PTPRT: variants seen among roughly 807,000 people sequenced by gnomAD.
PTPRT encodes receptor-type tyrosine-protein phosphatase T.
A neutral mutation model predicts 176.8 loss-of-function variants in PTPRT; 56 were observed. The ratio of observed to expected loss-of-function variants is 0.32; its 90% CI spans 0.26 to 0.40. The LOEUF is 0.40. Among genes scored for constraint, PTPRT ranks in the 10% least tolerant of loss-of-function variants. The pLI, the probability that PTPRT is intolerant of heterozygous loss-of-function variation, is 1.00. For missense variants in PTPRT, 1,540 were observed against 1,908.2 expected (o/e 0.81, Z 3.60); for synonymous variants, 783 against 739.0 (o/e 1.06, Z -0.96).
chr20:42,855,967 G>A (rs187429354), intron 2 of PTPRT, among the ~76,000 whole-genome samples: 2 of 152,166 alleles, frequency 1.3e-5, no homozygotes, highest in Admixed American at 1.3e-4. Flanking sequence ...GGACTCAAAT[G>A]GGCAAAGACA....
intron 1 of PTPRT, among the ~76,000 whole-genome samples, chr20:42,999,659 C>A (rs559425284): frequency 6.7e-6 from 1 of 149,624 alleles, no homozygotes; most frequent in Non-Finnish European, 1.5e-5. Context: ...TTGTTTTAAT[C>A]AGCTGGGCAT....
chr20:42,605,839 G>C (rs944733618), intron 7 of PTPRT, among the ~76,000 whole-genome samples: 2 of 152,142 alleles, frequency 1.3e-5, no homozygotes, highest in Admixed American at 1.3e-4. Context: ...GAATTACCTG[G>C]AGAATGTGTC....
chr20:42,544,297 C>G (rs570402372), intron 7 of PTPRT, among the ~76,000 whole-genome samples: 21 of 152,186 alleles, frequency 1.4e-4, no homozygotes, highest in Non-Finnish European at 2.5e-4. Flanking sequence ...TCTGCATAAG[C>G]ATTGGCTGCT....
chr20:43,167,089 T>C (rs76635172), intron 1 of PTPRT, among the ~76,000 whole-genome samples: 7,108 of 152,206 alleles, frequency 0.047, 206 homozygotes, highest in Non-Finnish European at 0.067. Flanking sequence ...GGGAGTGCCG[T>C]CATGTTAGTC....
At chr20:42,311,531 A>G (rs150429527) in intron 12 of PTPRT, among the ~76,000 whole-genome samples, 52 of 152,304 alleles carry the variant, frequency 3.4e-4, no homozygotes, top group Non-Finnish European at 5.6e-4. Flanking sequence ...ATCCTGCAAC[A>G]AATGCCCATT....
intron 2 of PTPRT, among the ~76,000 whole-genome samples, chr20:42,861,988 C>T (rs2078669946): frequency 6.6e-6 from 1 of 152,154 alleles, no homozygotes; most frequent in African/African-American, 2.4e-5. Flanking sequence ...ATGCAGGCCA[C>T]ATTTATACTT....
At chr20:42,668,226 C>T (rs938414793) in intron 7 of PTPRT, among the ~76,000 whole-genome samples, 9 of 152,144 alleles carry the variant, frequency 5.9e-5, no homozygotes, top group African/African-American at 1.4e-4. Flanking sequence ...TTCTAGGAGG[C>T]CCTGGCTCCC....
chr20:42,603,584 T>C (rs1478572819), intron 7 of PTPRT, among the ~76,000 whole-genome samples: 5 of 152,182 alleles, frequency 3.3e-5, no homozygotes, highest in Admixed American at 2.6e-4. Flanking sequence ...GATTTCATTG[T>C]AAGTGCAATA....
intron 7 of PTPRT, among the ~76,000 whole-genome samples, chr20:42,565,219 T>C (rs939199607): frequency 6.6e-6 from 1 of 152,054 alleles, no homozygotes; most frequent in South Asian, 2.1e-4. Context: ...CCTGGAACTT[T>C]CTCCATGCCT....
intron 1 of PTPRT, among the ~76,000 whole-genome samples, chr20:43,093,911 C>G (rs142242268): frequency 2.0e-5 from 3 of 152,036 alleles, no homozygotes; most frequent in African/African-American, 4.8e-5. Context: ...TTCCCACAAG[C>G]CTTCTTCCTT....
intron 7 of PTPRT, among the ~76,000 whole-genome samples, chr20:42,500,255 GTA>G (rs2071728573): frequency 6.6e-6 from 1 of 151,912 alleles, no homozygotes; most frequent in Non-Finnish European, 1.5e-5. Flanking sequence ...CTTCACCCTT[GTA>G]TAACCAGACA....
intron 9 of PTPRT, among the ~76,000 whole-genome samples, chr20:42,384,733 T>C (rs2145645440): frequency 6.6e-6 from 1 of 152,336 alleles, no homozygotes; most frequent in South Asian, 2.1e-4. Context: ...GTGTGCAAGT[T>C]TTCCACATCC....
intron 9 of PTPRT, among the ~76,000 whole-genome samples, chr20:42,375,476 C>T (rs2058639846): frequency 6.6e-6 from 1 of 152,118 alleles, no homozygotes; most frequent in Admixed American, 6.5e-5. Context: ...TTTTGCCCTT[C>T]AGCCTTCTGC....
At chr20:43,120,010 T>C (rs1048358785) in intron 1 of PTPRT, among the ~76,000 whole-genome samples, 16 of 152,174 alleles carry the variant, frequency 1.1e-4, no homozygotes, top group Admixed American at 7.9e-4. Flanking sequence ...GGTGTGATCA[T>C]AGCTCACTGT....
At chr20:43,131,981 GAACTCTTGCTT>G (rs2013659006) in intron 1 of PTPRT, among the ~76,000 whole-genome samples, 1 of 151,740 alleles carries the variant, frequency 6.6e-6, no homozygotes, top group Non-Finnish European at 1.5e-5. Flanking sequence ...TGATAAAATA[GAACTCTTGCTT>G]AACTCAATGA....
chr20:42,398,561 C>A (rs1055997041), intron 9 of PTPRT, among the ~76,000 whole-genome samples: 2 of 152,022 alleles, frequency 1.3e-5, no homozygotes, highest in Admixed American at 6.6e-5. Flanking sequence ...TACAAAATAG[C>A]ATGTATATCA....
chr20:42,408,662 G>C (rs1048978981), intron 9 of PTPRT, among the ~76,000 whole-genome samples: 2 of 151,290 alleles, frequency 1.3e-5, no homozygotes, highest in South Asian at 2.1e-4. Flanking sequence ...GGTGAACAGA[G>C]AATTAAACCT....
intron 1 of PTPRT, among the ~76,000 whole-genome samples, chr20:43,070,599 G>T (rs1159692574): frequency 6.6e-6 from 1 of 152,152 alleles, no homozygotes; most frequent in Admixed American, 6.5e-5. Flanking sequence ...TGATAGACTG[G>T]ATTAAGAAAA....
At chr20:43,059,284 T>C (rs1987361328) in intron 1 of PTPRT, among the ~76,000 whole-genome samples, 1 of 152,230 alleles carries the variant, frequency 6.6e-6, no homozygotes, top group African/African-American at 2.4e-5. Context: ...AAGTTTTGAT[T>C]CCTTTTTGCT....
Sources: gnomAD v4.1 joint callset for allele counts (sites outside exome capture counted in the v4.1 genomes callset) on GRCh38, gnomAD v4.1.1 for gene constraint, MANE v1.5 for transcripts, NCBI Gene and HGNC (gene_info 2026-07-23, HGNC 2026-07-21) for gene names.